Variants in CADPS observed in about 807,000 individuals in gnomAD.
CADPS encodes the protein calcium dependent secretion activator.
In CADPS, 57 loss-of-function variants were observed where a neutral mutation model predicts 167.3. The ratio of observed to expected loss-of-function variants is 0.34; its 90% CI spans 0.28 to 0.42. CADPS has a LOEUF of 0.42. Ranked by LOEUF, CADPS falls within the 20% of genes least tolerant of loss-of-function variation. The pLI is 1.00. For synonymous variants in CADPS, 676 were observed against 635.3 expected (o/e 1.06, Z -0.96); for missense variants, 1,414 against 1,738.1 (o/e 0.81, Z 3.32).
rs766308486 is a variant in CADPS at position 62,516,623 on chromosome 3, C to T, written c.2414G>A (p.Arg805Gln). ...AGTAGCTTTCAAAGCACCTTCAGGT[C>T]GACCAAATGGAAAGCAATACCTAAA... Reference protein sequence around the residue: ...THFRYCFPFGRPEGALKATLS... With the variant: ...THFRYCFPFGQPEGALKATLS... The change falls in exon 15 of 30, where the codon CGA (arginine) becomes CAA (glutamine). Residue 805 changes from arginine (R) to glutamine (Q), a missense_variant. Physicochemically the swap from Arg to Gln is conservative, Grantham distance 43. Transcript: ENST00000383710. 6.9e-6 allele frequency: 11 copies of T among 1,602,282 alleles called. No individual in the cohort carries two copies. Among genetic ancestry groups the T allele is most frequent in the Admixed American group, 3.4e-5 (2 of 59,512 alleles).
At chr3:62,553,715 C>T (rs2077665657) in intron 10 of CADPS, among the ~76,000 whole-genome samples, 1 of 152,020 alleles carries the variant, frequency 6.6e-6, no homozygotes, top group South Asian at 2.1e-4. Flanking sequence ...TGAGGACACA[C>T]CAAGGAAAGC....
intron 9 of CADPS, among the ~76,000 whole-genome samples, chr3:62,568,821 G>C (rs576762631): frequency 6.6e-6 from 1 of 152,100 alleles, no homozygotes; most frequent in Non-Finnish European, 1.5e-5. Flanking sequence ...AACATGGATG[G>C]GTAATTCAGC....
intron 28 of CADPS, among the ~76,000 whole-genome samples, chr3:62,424,109 T>G (rs980732700): frequency 2.0e-5 from 3 of 152,156 alleles, no homozygotes; most frequent in African/African-American, 7.2e-5. Flanking sequence ...AGCCCCATCT[T>G]CTAGAGGCAC....
At chr3:62,437,627 A>T (rs1389798380) in intron 28 of CADPS, among the ~76,000 whole-genome samples, 1 of 151,596 alleles carries the variant, frequency 6.6e-6, no homozygotes, top group Non-Finnish European at 1.5e-5. Flanking sequence ...CCAGTCTTCC[A>T]GGAATGAAAT....
intron 10 of CADPS, among the ~76,000 whole-genome samples, chr3:62,556,022 C>T (rs576432446): frequency 9.2e-5 from 14 of 152,238 alleles, no homozygotes; most frequent in Non-Finnish European, 2.1e-4. Flanking sequence ...CAGATGTGAG[C>T]CACCACTCCT....
chr3:62,481,915 A>G (rs2062073546), intron 21 of CADPS, 46 bp from the exon 22 acceptor site: 1 of 1,572,356 alleles, frequency 6.4e-7, no homozygotes, highest in Non-Finnish European at 8.7e-7. Flanking sequence ...CACAGTGACA[A>G]TGCAGATGTG....
chr3:62,852,510 G>T (rs1227696592), intron 1 of CADPS, among the ~76,000 whole-genome samples: 1 of 151,550 alleles, frequency 6.6e-6, no homozygotes, highest in South Asian at 2.1e-4. Flanking sequence ...ATTCATAATG[G>T]CCCCATCATG....
intron 12 of CADPS, among the ~76,000 whole-genome samples, chr3:62,535,259 T>TA (rs1045637026): frequency 2.0e-5 from 3 of 150,462 alleles, no homozygotes; most frequent in African/African-American, 7.3e-5. Context: ...TAAGTCAAAG[T>TA]GATGTGTTCC....
intron 1 of CADPS, among the ~76,000 whole-genome samples, chr3:62,858,990 T>C (rs912274331): frequency 2.6e-5 from 4 of 152,108 alleles, no homozygotes; most frequent in African/African-American, 7.2e-5. Context: ...TAGTATTGAG[T>C]AGTAGATTGT....
At chr3:62,407,858 T>C (rs1238939239) in intron 28 of CADPS, among the ~76,000 whole-genome samples, 4 of 152,132 alleles carry the variant, frequency 2.6e-5, no homozygotes, top group Non-Finnish European at 5.9e-5. Flanking sequence ...CTCAGCCTCC[T>C]GAGTAGCTGG....
intron 1 of CADPS, among the ~76,000 whole-genome samples, chr3:62,872,836 A>C (rs2082873512): frequency 6.6e-6 from 1 of 152,180 alleles, no homozygotes; most frequent in Non-Finnish European, 1.5e-5. Context: ...CCTAACACTT[A>C]AAGTCACAGT....
intron 6 of CADPS, among the ~76,000 whole-genome samples, chr3:62,606,605 T>C (rs781265325): frequency 5.9e-5 from 9 of 152,144 alleles, no homozygotes; most frequent in African/African-American, 9.7e-5. Flanking sequence ...AGGTATTCTG[T>C]AATAAACACC....
At chr3:62,559,059 T>C (rs186042911) in intron 9 of CADPS, among the ~76,000 whole-genome samples, 390 of 152,310 alleles carry the variant, frequency 2.6e-3, no homozygotes, top group Middle Eastern at 0.017. Flanking sequence ...CATCTTATTG[T>C]TGCTAGAGAA....
chr3:62,434,252 TTCA>T (rs2054542715), intron 28 of CADPS, among the ~76,000 whole-genome samples: 1 of 152,224 alleles, frequency 6.6e-6, no homozygotes, highest in Non-Finnish European at 1.5e-5. Flanking sequence ...ACAATTACAC[TTCA>T]TTTTTTATGA....
chr3:62,495,905 T>A (rs1393276962), intron 18 of CADPS, among the ~76,000 whole-genome samples: 1 of 152,184 alleles, frequency 6.6e-6, no homozygotes, highest in Non-Finnish European at 1.5e-5. Context: ...TTGGGACATT[T>A]AATTACTTTA....
intron 4 of CADPS, 127 bp from the exon 5 acceptor site, chr3:62,651,207 G>A: frequency 1.5e-6 from 1 of 663,592 alleles, no homozygotes; most frequent in Non-Finnish European, 2.6e-6. Context: ...CAGATCTCAT[G>A]GCCTTGTGCT....
rs2078045390 is a variant in CADPS, at chr3:62,849,111, T to A, written c.441+25478A>T. On this transcript the variant is annotated intron_variant, in intron 1 of 29. Coordinates refer to ENST00000383710, the MANE Select transcript of CADPS (RefSeq NM_003716.4). The stretch of plus-strand genomic sequence containing the variant: ...TTGGTGTATAAGAATGCTTGTGATT[T>A]CTGTACATTGATTTTGTATCCTGAG... Among the ~76,000 whole-genome samples, 6 of 151,684 alleles carry A rather than the reference T, an allele frequency of 4.0e-5. No homozygotes were observed. In the South Asian group the frequency reaches 1.2e-3, roughly 32 times the overall value.
At chr3:62,737,474 C>CAA (rs370647017) in intron 3 of CADPS, among the ~76,000 whole-genome samples, 54 of 133,268 alleles carry the variant, frequency 4.1e-4, no homozygotes, top group South Asian at 9.6e-4. Context: ...TCTCTTACAG[C>CAA]AAAAAAAAAA....
intron 1 of CADPS, among the ~76,000 whole-genome samples, chr3:62,830,005 G>T (rs1488574667): frequency 6.6e-6 from 1 of 152,116 alleles, no homozygotes; most frequent in Non-Finnish European, 1.5e-5. Flanking sequence ...ACCACCATGT[G>T]GGTAAGTGGG....
Sources: gnomAD v4.1 joint callset for allele counts (sites outside exome capture counted in the v4.1 genomes callset) on GRCh38, gnomAD v4.1.1 for gene constraint, MANE v1.5 for transcripts, NCBI Gene and HGNC (gene_info 2026-07-23, HGNC 2026-07-21) for gene names.